Variants in PKHD1 observed in about 807,000 individuals in gnomAD.
PKHD1 encodes the protein PKHD1 ciliary IPT domain containing fibrocystin/polyductin.
In PKHD1, 291 loss-of-function variants were observed where a neutral mutation model predicts 412.0. That is an observed-to-expected ratio of 0.71 (90% CI 0.64 to 0.78). The LOEUF is 0.78. Ranked by LOEUF, PKHD1 falls within the 30% of genes least tolerant of loss-of-function variation. The pLI is 0.00. For synonymous variants in PKHD1, 1,777 were observed against 1,821.5 expected, an observed-to-expected ratio of 0.98 and a Z score of 0.62; for missense variants, 4,825 against 4,950.7, an observed-to-expected ratio of 0.97 and a Z score of 0.76.
At chr6:52,047,678 T>C (rs1299240395) in intron 23 of PKHD1, among the ~76,000 whole-genome samples, 1 of 152,166 alleles carries the variant, frequency 6.6e-6, no homozygotes, top group Non-Finnish European at 1.5e-5. Context: ...CTACCATGTA[T>C]CTTGGTCTAT....
chr6:51,938,147 G>C (rs1787820897), intron 36 of PKHD1, among the ~76,000 whole-genome samples: 1 of 152,026 alleles, frequency 6.6e-6, no homozygotes, highest in Non-Finnish European at 1.5e-5. Flanking sequence ...AAGATGTTTA[G>C]CATATTTAAA....
intron 63 of PKHD1, among the ~76,000 whole-genome samples, chr6:51,647,141 A>G (rs1347941663): frequency 6.6e-6 from 1 of 152,190 alleles, no homozygotes; most frequent in East Asian, 1.9e-4. Context: ...TCTGTGGATA[A>G]TATATTGTAC....
chr6:52,044,220 G>T (rs1406543012), intron 25 of PKHD1, among the ~76,000 whole-genome samples: 2 of 152,158 alleles, frequency 1.3e-5, no homozygotes, highest in African/African-American at 4.8e-5. Context: ...CCTAAAGAGA[G>T]ACTATATATC....
chr6:51,962,974 CA>C (rs1792294736), intron 35 of PKHD1, among the ~76,000 whole-genome samples: 1 of 152,066 alleles, frequency 6.6e-6, no homozygotes, highest in Admixed American at 6.6e-5. Flanking sequence ...AGATGTCTAG[CA>C]CATAGTAGTT....
At chr6:51,836,671 G>C (rs1166915974) in intron 50 of PKHD1, among the ~76,000 whole-genome samples, 1 of 152,186 alleles carries the variant, frequency 6.6e-6, no homozygotes, top group African/African-American at 2.4e-5. Context: ...AAATGTAATT[G>C]CAATGAGGTC....
rs71544105 is a variant in PKHD1, at chr6:51,880,779, T to TAAA, written c.7350+2311_7350+2313dup. Among the ~76,000 whole-genome samples, 190 of 30,042 alleles carry TAAA rather than the reference T, an allele frequency of 6.3e-3. 29 individuals are homozygous for TAAA. The highest frequency in any genetic ancestry group is 0.036 in the African/African-American group (178 of 4,926). The allele number at this position is 30,042 out of a possible 152,430, so 19.7% of individuals were successfully genotyped here. A position where few individuals can be genotyped will look rare whatever the true frequency, so the allele number is the denominator to read the frequency against. ...CTTAGAGTATAATAAAAAAAAAAATTAAAAAAAAAAAAAAAAAAAAAAAAA... is the reference window on the plus strand; with the variant it reads ...CTTAGAGTATAATAAAAAAAAAAATTAAAAAAAAAAAAAAAAAAAAAAAAAAAA... On this transcript the variant is annotated intron_variant, in intron 46 of 66. Transcript: ENST00000371117.
rs559822746 is a variant in PKHD1, at chr6:51,639,001, C to G, written c.11399-45G>C. The G allele has an allele frequency of 3.0e-6, 4 of 1,316,160 alleles. No homozygotes were observed. The African/African-American group carries it at 5.8e-5, about 19-fold the overall frequency. The allele number at this position is 1,316,160 out of a possible 1,614,324, so 81.5% of individuals were successfully genotyped here. A position where few individuals can be genotyped will look rare whatever the true frequency, so the allele number is the denominator to read the frequency against. ...AAAAATTAGCTGTTTATTATCTAAT[C>G]TCGAACAATGTCTTCATGTCTTCTG... On this transcript the variant is annotated intron_variant, in intron 63 of 66. Coordinates refer to ENST00000371117, the MANE Select transcript of PKHD1 (RefSeq NM_138694.4).
At chr6:51,833,417 T>C (rs10456651) in intron 51 of PKHD1, among the ~76,000 whole-genome samples, 51,065 of 152,068 alleles carry the variant, frequency 0.34, 8,947 homozygotes, top group Middle Eastern at 0.47. Context: ...TAAGAAAACA[T>C]GTTTCAGTCT....
At chr6:51,627,916 T>TA (rs1561983691) in intron 65 of PKHD1, among the ~76,000 whole-genome samples, 1 of 152,166 alleles carries the variant, frequency 6.6e-6, no homozygotes, top group Non-Finnish European at 1.5e-5. Flanking sequence ...CTGGGAATAA[T>TA]ACAGTGAGTA....
chr6:51,852,677 T>G (rs917518132), intron 49 of PKHD1, among the ~76,000 whole-genome samples: 1 of 152,202 alleles, frequency 6.6e-6, no homozygotes, highest in Non-Finnish European at 1.5e-5. Flanking sequence ...CTTTGTCTTT[T>G]TTGATCATTG....
chr6:51,910,998 T>C (rs955114607), intron 39 of PKHD1, among the ~76,000 whole-genome samples: 1 of 152,086 alleles, frequency 6.6e-6, no homozygotes, highest in African/African-American at 2.4e-5. Flanking sequence ...CTCTACACAG[T>C]TGGCTGGCCT....
intron 29 of PKHD1, 120 bp from the exon 30 acceptor site, chr6:52,028,471 T>A: frequency 1.1e-6 from 1 of 930,676 alleles, no homozygotes; most frequent in Non-Finnish European, 1.7e-6. Context: ...ATAATACTCT[T>A]AAGAGTTACG....
chr6:51,909,223 G>T, intron 40 of PKHD1, 60 bp downstream of exon 40: 3 of 1,194,508 alleles, frequency 2.5e-6, no homozygotes, highest in Admixed American at 1.7e-5. Flanking sequence ...CACCATGCAT[G>T]TAGTGCCTTA....
At chr6:51,970,401 A>G (rs1365009588) in intron 35 of PKHD1, among the ~76,000 whole-genome samples, 2 of 152,044 alleles carry the variant, frequency 1.3e-5, no homozygotes. Flanking sequence ...TCTGCAGGTT[A>G]TCTGTTCATT....
At chr6:51,637,242 C>T (rs748134134) in intron 64 of PKHD1, among the ~76,000 whole-genome samples, 6 of 152,150 alleles carry the variant, frequency 3.9e-5, no homozygotes, top group Admixed American at 3.3e-4. Flanking sequence ...TGCATTCCTG[C>T]CTGTCTTACC....
chr6:52,073,443 A>C lies in PKHD1; in HGVS notation c.527+20T>G. 1.3e-6 allele frequency: 2 copies of C among 1,523,990 alleles called. No homozygotes were observed. Among genetic ancestry groups the C allele is most frequent in the Non-Finnish European group, 1.8e-6 (2 of 1,098,218 alleles). The allele number at this position is 1,523,990 out of a possible 1,614,324, so 94.4% of individuals were successfully genotyped here. On this transcript the variant is annotated intron_variant, in intron 7 of 66. Transcript: ENST00000371117. ...AGCATGTATGTAACTAGTTAAACAC[A>C]AAAACAAACACACACTTACCTATCA...
chr6:51,643,163 T>C (rs926449634), intron 63 of PKHD1, among the ~76,000 whole-genome samples: 1 of 152,150 alleles, frequency 6.6e-6, no homozygotes, highest in Admixed American at 6.6e-5. Context: ...AGTAGCAAAA[T>C]GGCACTGAAA....
chr6:51,947,307 T>A (rs1387291210), intron 36 of PKHD1, among the ~76,000 whole-genome samples: 1 of 152,218 alleles, frequency 6.6e-6, no homozygotes, highest in East Asian at 1.9e-4. Flanking sequence ...ATTTAAAAAA[T>A]CCAATGTTTC....
intron 50 of PKHD1, among the ~76,000 whole-genome samples, chr6:51,846,507 T>G (rs913824948): frequency 3.9e-5 from 6 of 152,144 alleles, no homozygotes; most frequent in African/African-American, 1.4e-4. Context: ...CTGTAAGAAG[T>G]GGCCTCACAG....
Sources: allele counts gnomAD v4.1 joint callset (sites outside exome capture counted in the v4.1 genomes callset), GRCh38; gene constraint gnomAD v4.1.1; transcripts MANE v1.5; gene names NCBI Gene and HGNC (gene_info 2026-07-23, HGNC 2026-07-21).